Variants in CLSTN2 observed in about 807,000 individuals in gnomAD.
The protein encoded by CLSTN2 is calsyntenin 2, also known as calsyntenin-2.
CLSTN2 carries 48 observed loss-of-function variants against 101.2 expected under a neutral mutation model. That is an observed-to-expected ratio of 0.47 (90% CI 0.38 to 0.60). The LOEUF (loss-of-function observed/expected upper bound fraction) is 0.60, where lower values mean the gene tolerates loss of function less well. Ranked by LOEUF, CLSTN2 falls within the 20% of genes least tolerant of loss-of-function variation. The probability of loss-of-function intolerance (pLI) is 0.00; values close to 1 mark genes in which losing one functional copy is unlikely to be tolerated. For synonymous variants in CLSTN2, 481 were observed against 463.6 expected (o/e 1.04, Z -0.48); for missense variants, 1,160 against 1,238.2 (o/e 0.94, Z 0.95).
intron 1 of CLSTN2, among the ~76,000 whole-genome samples, chr3:140,014,695 A>C (rs1414044778): frequency 2.0e-5 from 3 of 152,118 alleles, no homozygotes; most frequent in Middle Eastern, 3.2e-3. Flanking sequence ...AACTGCAGGG[A>C]GGCCCATATG....
intron 2 of CLSTN2, among the ~76,000 whole-genome samples, chr3:140,219,029 T>C (rs2086236157): frequency 6.6e-6 from 1 of 152,078 alleles, no homozygotes; most frequent in Admixed American, 6.5e-5. Context: ...TTTTAATAAT[T>C]GGGAATTTAA....
At chr3:140,358,311 A>G (rs2087695126) in intron 2 of CLSTN2, among the ~76,000 whole-genome samples, 1 of 152,142 alleles carries the variant, frequency 6.6e-6, no homozygotes, top group Non-Finnish European at 1.5e-5. Flanking sequence ...GCAGCTTCAC[A>G]GGGCTCTGGT....
intron 1 of CLSTN2, among the ~76,000 whole-genome samples, chr3:140,076,625 GTTTTTTTT>G (rs35645750): frequency 4.5e-4 from 17 of 38,072 alleles, no homozygotes; most frequent in South Asian, 1.9e-3. Context: ...CACCAGCAGT[GTTTTTTTT>G]TTTTTTTTTT....
intron 1 of CLSTN2, among the ~76,000 whole-genome samples, chr3:140,163,174 G>A (rs1449052580): frequency 6.6e-6 from 1 of 152,082 alleles, no homozygotes; most frequent in Non-Finnish European, 1.5e-5. Context: ...TAGATGTGCT[G>A]AAGATCTACA....
At chr3:139,977,824 AAC>A (rs1454980802) in intron 1 of CLSTN2, among the ~76,000 whole-genome samples, 1 of 152,202 alleles carries the variant, frequency 6.6e-6, no homozygotes, top group Non-Finnish European at 1.5e-5. Flanking sequence ...GCAGAGGTCA[AAC>A]ACATTGTTTT....
chr3:140,226,989 T>A (rs2086327408), intron 2 of CLSTN2, among the ~76,000 whole-genome samples: 1 of 152,082 alleles, frequency 6.6e-6, no homozygotes, highest in Non-Finnish European at 1.5e-5. Context: ...AAGATGAGAT[T>A]TGGGTGGGGA....
intron 2 of CLSTN2, among the ~76,000 whole-genome samples, chr3:140,370,805 G>A (rs114032410): frequency 6.6e-6 from 1 of 152,078 alleles, no homozygotes; most frequent in East Asian, 1.9e-4. Context: ...CAGCAGTTGG[G>A]GGCATGCTGG....
chr3:140,489,914 T>C (rs1002921445), intron 8 of CLSTN2, among the ~76,000 whole-genome samples: 30 of 149,434 alleles, frequency 2.0e-4, no homozygotes, highest in South Asian at 4.3e-4. Context: ...ATAGTGCGTC[T>C]AGGGTCCCGG....
At chr3:140,355,101 G>A (rs2087655009) in intron 2 of CLSTN2, among the ~76,000 whole-genome samples, 1 of 152,208 alleles carries the variant, frequency 6.6e-6, no homozygotes. Flanking sequence ...CAGAAGACCA[G>A]ATGAGCAGTT....
intron 8 of CLSTN2, among the ~76,000 whole-genome samples, chr3:140,493,617 G>C (rs1277004180): frequency 6.6e-6 from 1 of 152,186 alleles, no homozygotes; most frequent in South Asian, 2.1e-4. Context: ...TCAGGGGCTG[G>C]ACAACATAAC....
chr3:140,008,238 G>A (rs1234902543), intron 1 of CLSTN2, among the ~76,000 whole-genome samples: 1 of 152,218 alleles, frequency 6.6e-6, no homozygotes, highest in Non-Finnish European at 1.5e-5. Flanking sequence ...TTCCTCAAGG[G>A]AATAGCTGTG....
At chr3:140,147,886 C>T (rs528985674) in intron 1 of CLSTN2, among the ~76,000 whole-genome samples, 1 of 152,302 alleles carries the variant, frequency 6.6e-6, no homozygotes, top group African/African-American at 2.4e-5. Flanking sequence ...CTACCCTTGT[C>T]ATTTTTTAGA....
At position 140,064,511 on chromosome 3, in the gene CLSTN2, T is replaced by C. The variant is rs557965788; in HGVS notation, c.110-111440T>C. On this transcript the variant is annotated intron_variant, in intron 1 of 16. Transcript: ENST00000458420. ...AAAGCATAGCTTTCTTAAACAACTT[T>C]GGGTACAAATGAAAATCAAAACCAC... is the stretch of plus-strand genomic sequence containing the variant. Among the ~76,000 whole-genome samples the C allele has an allele frequency of 2.6e-5, 4 of 152,330 alleles. No homozygotes were observed. In the East Asian group the frequency reaches 5.8e-4, roughly 22 times the overall value.
At chr3:140,291,898 C>T (rs1210976053) in intron 2 of CLSTN2, among the ~76,000 whole-genome samples, 3 of 152,004 alleles carry the variant, frequency 2.0e-5, no homozygotes, top group Non-Finnish European at 2.9e-5. Context: ...AAACTTGTCT[C>T]AAACTGGTGT....
chr3:140,426,692 C>T (rs2088567700), intron 5 of CLSTN2, among the ~76,000 whole-genome samples: 1 of 152,112 alleles, frequency 6.6e-6, no homozygotes, highest in Non-Finnish European at 1.5e-5. Flanking sequence ...GAATGTTGTC[C>T]TCCTAGTAAG....
At chr3:140,236,274 T>C (rs1424562593) in intron 2 of CLSTN2, among the ~76,000 whole-genome samples, 4 of 152,222 alleles carry the variant, frequency 2.6e-5, no homozygotes, top group Non-Finnish European at 5.9e-5. Context: ...TTTCTATTTT[T>C]TAAACTGTAC....
intron 1 of CLSTN2, among the ~76,000 whole-genome samples, chr3:140,032,884 G>T (rs2007584787): frequency 6.6e-6 from 1 of 152,214 alleles, no homozygotes; most frequent in Non-Finnish European, 1.5e-5. Context: ...TGAGAAATGA[G>T]TTGGTCTGTG....
chr3:140,554,875 G>A (rs1206404081), intron 10 of CLSTN2, among the ~76,000 whole-genome samples: 1 of 152,094 alleles, frequency 6.6e-6, no homozygotes, highest in Admixed American at 6.5e-5. Context: ...AAAATAAAGT[G>A]TGATACATTA....
intron 8 of CLSTN2, among the ~76,000 whole-genome samples, chr3:140,510,277 C>T (rs2107767411): frequency 6.6e-6 from 1 of 152,288 alleles, no homozygotes; most frequent in African/African-American, 2.4e-5. Context: ...ACTAACAGAT[C>T]TGCCAAGGTG....
Sources: gnomAD v4.1 joint callset for allele counts (sites outside exome capture counted in the v4.1 genomes callset) on GRCh38, gnomAD v4.1.1 for gene constraint, MANE v1.5 for transcripts, NCBI Gene and HGNC (gene_info 2026-07-23, HGNC 2026-07-21) for gene names.